Variants in CCP110 observed in about 807,000 individuals in gnomAD.
CCP110 encodes centriolar coiled-coil protein of 110 kDa.
CCP110 carries 43 observed loss-of-function variants against 105.5 expected under a neutral mutation model. The observed-to-expected ratio is 0.41, with a 90% CI of 0.32 to 0.53. The LOEUF (loss-of-function observed/expected upper bound fraction) is 0.53. Ranked by LOEUF, CCP110 falls within the 20% of genes least tolerant of loss-of-function variation. The pLI is 0.32. For missense variants in CCP110, 1,016 were observed against 1,189.1 expected, an observed-to-expected ratio of 0.85 and a Z score of 2.14; for synonymous variants, 353 against 392.1, an observed-to-expected ratio of 0.90 and a Z score of 1.18.
At chr16:19,538,302 C>CTTTTTTTTTTTTTTTTTTTTT (rs1164690143) in intron 4 of CCP110, among the ~76,000 whole-genome samples, 2 of 55,246 alleles carry the variant, frequency 3.6e-5, no homozygotes, top group African/African-American at 9.0e-5. Context: ...GGAAACAGTT[C>CTTTTTTTTTTTTTTTTTTTTT]TTTTTTTTTT....
In CCP110 at chr16:19,548,253, A is replaced by G; in HGVS notation, c.2900+239A>G. On this transcript the variant is annotated intron_variant, in intron 13 of 14. Transcript: ENST00000381396. This position sits in a 1 kb window ranked among gnomAD's most constrained non-coding sequence, Gnocchi z 4.1. ...ATGTTTTTACTTTTCATTTCATACC[A>G]TTTTACTCATAAAGTATTTTAAATA... is the stretch of plus-strand genomic sequence containing the variant. The G allele has an allele frequency of 1.7e-6, 1 of 578,006 alleles. No homozygotes were observed. Among genetic ancestry groups the G allele is most frequent in the South Asian group, 2.3e-5 (1 of 43,144 alleles). The allele number at this position is 578,006 out of a possible 1,614,324, so 35.8% of individuals were successfully genotyped here.
At chr16:19,550,817 C>A (rs1257987944) in intron 14 of CCP110, among the ~76,000 whole-genome samples, 1 of 152,176 alleles carries the variant, frequency 6.6e-6, no homozygotes, top group Non-Finnish European at 1.5e-5. Flanking sequence ...CTTTGACTTA[C>A]GGTTTTAAAA....
At chr16:19,525,943 A>G (rs902042956) in intron 1 of CCP110, 1 of 152,644 alleles carries the variant, frequency 6.6e-6, no homozygotes, top group East Asian at 1.9e-4. Flanking sequence ...GTCATCAGGG[A>G]TGCCTTCTCT....
intron 2 of CCP110, among the ~76,000 whole-genome samples, chr16:19,529,505 A>G (rs556350260): frequency 1.3e-5 from 2 of 152,368 alleles, no homozygotes; most frequent in East Asian, 1.9e-4. Context: ...ATTAGATTAA[A>G]TAATTTTTAA....
At chr16:19,549,168 T>C (rs1227047275) in intron 14 of CCP110, among the ~76,000 whole-genome samples, 1 of 152,262 alleles carries the variant, frequency 6.6e-6, no homozygotes, top group Non-Finnish European at 1.5e-5. Context: ...AAACTCATTC[T>C]TGAGCAAATT....
At chr16:19,534,096 G>C (rs10521108) in intron 3 of CCP110, among the ~76,000 whole-genome samples, 12,941 of 152,200 alleles carry the variant, frequency 0.085, 685 homozygotes, top group Middle Eastern at 0.14. Flanking sequence ...TTGGGGTCCT[G>C]AGATATTATT....
intron 10 of CCP110, 43 bp downstream of exon 10, chr16:19,545,253 A>G (rs748942604): frequency 1.2e-4 from 138 of 1,123,288 alleles, no homozygotes; most frequent in Non-Finnish European, 1.5e-4. Context: ...TTCTGGGTTT[A>G]GGGTAATTGA....
At chr16:19,535,971 A>T in exon 4 of CCP110, 1 of 1,603,834 alleles carries the variant, frequency 6.2e-7, no homozygotes. Context: ...AGTGATTTTG[A>T]TCAGTGGGAG....
intron 11 of CCP110, 155 bp downstream of exon 11, chr16:19,546,045 C>A (rs1036572607): frequency 1.8e-6 from 1 of 559,922 alleles, no homozygotes; most frequent in Non-Finnish European, 3.1e-6. Context: ...TTATTAAAAT[C>A]AGGTGCTAAA....
rs1403220833 is a variant in CCP110, at chr16:19,537,376, G to A, written c.1707G>A (p.Val569=). 4.3e-6 allele frequency: 7 copies of A among 1,613,126 alleles called. No homozygotes were observed. The South Asian group carries it at 6.6e-5, about 15-fold the overall frequency. The stretch of plus-strand genomic sequence containing the variant: ...GACAGCAGATGGACACACCTATGGT[G>A]TCCTGTGGAAATGAACAATTTTTGG... Residue 569 remains valine (V), a synonymous_variant, in exon 4 of 15, where the codon GTG becomes GTA. Transcript: ENST00000381396.
intron 2 of CCP110, among the ~76,000 whole-genome samples, chr16:19,529,010 T>TA (rs2151461394): frequency 6.6e-6 from 1 of 152,358 alleles, no homozygotes; most frequent in African/African-American, 2.4e-5. Flanking sequence ...CTTTGCTACT[T>TA]ACTTGCTGTG....
exon 5 of CCP110, chr16:19,540,781 G>A: frequency 6.2e-7 from 1 of 1,612,498 alleles, no homozygotes; most frequent in Non-Finnish European, 8.5e-7. Context: ...AAGAAAGACT[G>A]CAAAAGGTGA....
chr16:19,541,830 T>C, intron 5 of CCP110, 57 bp from the exon 6 acceptor site: 1 of 985,120 alleles, frequency 1.0e-6, no homozygotes, highest in Admixed American at 2.8e-5. Context: ...TAAAATGATA[T>C]CATTTTGGGA....
chr16:19,541,778 A>T, intron 5 of CCP110, 109 bp from the exon 6 acceptor site: 1 of 530,924 alleles, frequency 1.9e-6, no homozygotes, highest in Non-Finnish European at 3.2e-6. Context: ...AACTTGAAAT[A>T]AATAATAATT....
At chr16:19,553,260 T>C (rs1423601787) in exon 15 of CCP110, 1 of 152,226 alleles carries the variant, frequency 6.6e-6, no homozygotes, top group Non-Finnish European at 1.5e-5. Context: ...TTTGTGCTTT[T>C]GATGGATTTT....
intron 2 of CCP110, among the ~76,000 whole-genome samples, chr16:19,529,133 C>T (rs1263816261): frequency 6.6e-6 from 1 of 152,156 alleles, no homozygotes; most frequent in Admixed American, 6.5e-5. Context: ...TAGAATACCA[C>T]CTGGATCATA....
exon 4 of CCP110, chr16:19,537,392 C>G: frequency 6.2e-7 from 1 of 1,613,122 alleles, no homozygotes; most frequent in South Asian, 1.1e-5. Flanking sequence ...TGGAAATGAA[C>G]AATTTTTGGA....
chr16:19,537,692 CTTAAT>C, intron 4 of CCP110, 105 bp downstream of exon 4: 3 of 616,452 alleles, frequency 4.9e-6, no homozygotes, highest in Non-Finnish European at 8.4e-6. Context: ...CATATGGGCA[CTTAAT>C]TTTATTTATC....
In CCP110 at chr16:19,524,719, G is replaced by C. The variant is rs570135018; in HGVS notation, c.-16+631G>C. On this transcript the variant is annotated intron_variant, in intron 1 of 14. Coordinates refer to ENST00000381396, the Ensembl canonical transcript of CCP110. ...GCAGCCATCTCGAGATTGATTTGAC[G>C]GGGAGAGGTCTAGGGACAGGGAAAT... 7 of 152,300 alleles carry C rather than the reference G, an allele frequency of 4.6e-5. No homozygotes were observed. The South Asian group carries it at 6.2e-4, about 14-fold the overall frequency. The allele number at this position is 152,300 out of a possible 1,614,324, so 9.4% of individuals were successfully genotyped here. A position where few individuals can be genotyped will look rare whatever the true frequency, so the allele number is the denominator to read the frequency against.
Sources: allele counts gnomAD v4.1 joint callset (sites outside exome capture counted in the v4.1 genomes callset), GRCh38; gene constraint gnomAD v4.1.1; non-coding constraint Gnocchi (gnomAD v3.1); transcripts MANE v1.5; gene names NCBI Gene and HGNC (gene_info 2026-07-23, HGNC 2026-07-21).